Variants in CA8 observed in about 807,000 individuals in gnomAD.
CA8 encodes the protein carbonic anhydrase-related protein.
CA8 carries 22 observed loss-of-function variants against 41.4 expected under a neutral mutation model. The ratio of observed to expected loss-of-function variants is 0.53; its 90% CI spans 0.38 to 0.76. The LOEUF is 0.76. Ranked by LOEUF, CA8 falls within the 30% of genes least tolerant of loss-of-function variation. The probability of loss-of-function intolerance (pLI) is 0.00; values close to 1 mark genes in which losing one functional copy is unlikely to be tolerated. For missense variants in CA8, 270 were observed against 352.8 expected, an observed-to-expected ratio of 0.77 and a Z score of 1.88; for synonymous variants, 121 against 130.6, an observed-to-expected ratio of 0.93 and a Z score of 0.50.
intron 4 of CA8, among the ~76,000 whole-genome samples, chr8:60,227,773 A>T (rs1040185971): frequency 2.0e-5 from 3 of 152,226 alleles, no homozygotes; most frequent in South Asian, 4.1e-4. Context: ...TCTTAAATAA[A>T]TAATAATGTG....
Position 60,186,064 on chromosome 8 carries a change from G to A in CA8, c.*3957C>T, listed in dbSNP as rs1426335196. On this transcript the variant is annotated 3_prime_UTR_variant, in exon 9 of 9. Transcript: ENST00000317995. ...CTGGAGTAAGAAATCACACCAGATGGTGACTCAAATTTACAAGACAAAATG... is the reference window on the plus strand; with the variant it reads ...CTGGAGTAAGAAATCACACCAGATGATGACTCAAATTTACAAGACAAAATG... Among the ~76,000 whole-genome samples, 1 of 151,980 alleles carries A rather than the reference G, an allele frequency of 6.6e-6. No homozygotes were observed. Among genetic ancestry groups the A allele is most frequent in the East Asian group, 1.9e-4 (1 of 5,186 alleles).
chr8:60,236,545 T>C (rs959058331), intron 3 of CA8, among the ~76,000 whole-genome samples: 7 of 152,080 alleles, frequency 4.6e-5, no homozygotes, highest in African/African-American at 1.7e-4. Flanking sequence ...CTAATACCAA[T>C]GGGAATAAAG....
chr8:60,192,352 G>GA (rs1397248053), intron 8 of CA8, among the ~76,000 whole-genome samples: 7 of 152,078 alleles, frequency 4.6e-5, no homozygotes, highest in Admixed American at 4.6e-4. Flanking sequence ...ACTTCTTAGG[G>GA]AATGTGTGGG....
chr8:60,195,151 A>G (rs1806245705), intron 8 of CA8, among the ~76,000 whole-genome samples: 1 of 152,252 alleles, frequency 6.6e-6, no homozygotes, highest in Admixed American at 6.5e-5. Context: ...TTACTCATAA[A>G]GAGAAATTTT....
intron 8 of CA8, among the ~76,000 whole-genome samples, chr8:60,197,313 G>A (rs1015616687): frequency 6.6e-6 from 1 of 151,862 alleles, no homozygotes; most frequent in East Asian, 1.9e-4. Context: ...AGCATGCACA[G>A]TATAATCTCA....
At chr8:60,248,044 A>G (rs1420721508) in intron 3 of CA8, among the ~76,000 whole-genome samples, 2 of 151,246 alleles carry the variant, frequency 1.3e-5, no homozygotes, top group Non-Finnish European at 2.9e-5. Flanking sequence ...TTGGTCGCAT[A>G]AATGTCTTCT....
At chr8:60,230,910 TGAGTACCAATTCCAAA>T (rs1253206040) in intron 4 of CA8, among the ~76,000 whole-genome samples, 3 of 152,208 alleles carry the variant, frequency 2.0e-5, no homozygotes, top group Admixed American at 6.5e-5. Context: ...AAATATTTAT[TGAGTACCAATTCCAAA>T]GATGAAACTG....
intron 7 of CA8, among the ~76,000 whole-genome samples, chr8:60,215,384 C>CA (rs1365631624): frequency 6.8e-6 from 1 of 147,634 alleles, no homozygotes. Context: ...CACACACACA[C>CA]CGGATCCCCA....
intron 2 of CA8, among the ~76,000 whole-genome samples, chr8:60,272,522 A>C (rs1334567944): frequency 6.6e-6 from 1 of 152,116 alleles, no homozygotes; most frequent in East Asian, 1.9e-4. Flanking sequence ...AGACATACTG[A>C]AGGATTGGCC....
intron 1 of CA8, among the ~76,000 whole-genome samples, chr8:60,280,153 T>G (rs1171238500): frequency 6.6e-6 from 1 of 152,182 alleles, no homozygotes; most frequent in African/African-American, 2.4e-5. Context: ...TCTAGGAAAT[T>G]TGGGTCATTT....
At chr8:60,260,443 T>C (rs1585917591) in intron 3 of CA8, among the ~76,000 whole-genome samples, 1 of 152,288 alleles carries the variant, frequency 6.6e-6, no homozygotes, top group Middle Eastern at 3.4e-3. Flanking sequence ...CCCTTCTGAA[T>C]GTGGGGTGCT....
chr8:60,272,084 C>A (rs1031371402), intron 2 of CA8, among the ~76,000 whole-genome samples: 2 of 152,152 alleles, frequency 1.3e-5, no homozygotes, highest in Non-Finnish European at 2.9e-5. Flanking sequence ...TTGAAATTTG[C>A]CCAGAGCAGA....
intron 4 of CA8, among the ~76,000 whole-genome samples, chr8:60,229,171 G>GT (rs1807551544): frequency 2.9e-5 from 4 of 140,014 alleles, no homozygotes; most frequent in African/African-American, 1.1e-4. Flanking sequence ...TTTTTTTTTT[G>GT]TTTTTTACTT....
chr8:60,275,858 C>T (rs1159647750), intron 2 of CA8, among the ~76,000 whole-genome samples: 1 of 152,056 alleles, frequency 6.6e-6, no homozygotes, highest in Non-Finnish European at 1.5e-5. Context: ...AGAAGAGACA[C>T]ATAGAGGGGG....
At chr8:60,261,412 T>C (rs7840279) in intron 3 of CA8, among the ~76,000 whole-genome samples, 77,143 of 151,950 alleles carry the variant, frequency 0.51, 21,679 homozygotes, top group African/African-American at 0.77. Flanking sequence ...AGACCTCCTT[T>C]TTGGCAATTC....
At chr8:60,249,143 C>T (rs1300436102) in intron 3 of CA8, among the ~76,000 whole-genome samples, 1 of 152,088 alleles carries the variant, frequency 6.6e-6, no homozygotes, top group Non-Finnish European at 1.5e-5. Context: ...AAAATCCCTC[C>T]CTTACATTTA....
intron 7 of CA8, 92 bp from the exon 8 acceptor site, chr8:60,209,011 A>C: frequency 7.8e-7 from 1 of 1,286,784 alleles, no homozygotes; most frequent in Non-Finnish European, 1.1e-6. Context: ...AATATGTATA[A>C]ATTACAAGAA....
At chr8:60,223,394 G>GCGAT (rs1807316517) in intron 6 of CA8, among the ~76,000 whole-genome samples, 1 of 152,098 alleles carries the variant, frequency 6.6e-6, no homozygotes, top group Non-Finnish European at 1.5e-5. Context: ...CTGGGCTCAA[G>GCGAT]CGATCATCTC....
In CA8 at chr8:60,259,579, TTC is replaced by T. The variant is rs533913585; in HGVS notation, c.417+6344_417+6345del. On this transcript the variant is annotated intron_variant, in intron 3 of 8. Coordinates refer to ENST00000317995, the MANE Select transcript of CA8 (RefSeq NM_004056.6). ...AGAGGGAATACAGCTAAAAGAACAT[TTC>T]TGTTTGTTCAACATTGTAATTTATT... Among the ~76,000 whole-genome samples, 695 of 152,344 alleles carry T rather than the reference TTC, an allele frequency of 4.6e-3. 4 individuals are homozygous for T. The highest frequency in any genetic ancestry group is 0.016 in the African/African-American group (654 of 41,584).
Sources: gnomAD v4.1 joint callset for allele counts (sites outside exome capture counted in the v4.1 genomes callset) on GRCh38, gnomAD v4.1.1 for gene constraint, MANE v1.5 for transcripts, NCBI Gene and HGNC (gene_info 2026-07-23, HGNC 2026-07-21) for gene names.